The following TRIM37 variants were observed in gnomAD, a reference collection of about 807,000 sequenced individuals.
TRIM37 encodes E3 ubiquitin-protein ligase TRIM37.
In TRIM37, 80 loss-of-function variants were observed where a neutral mutation model predicts 129.8. That is an observed-to-expected ratio of 0.62 (90% CI 0.51 to 0.74). TRIM37 has a LOEUF of 0.74. Among genes scored for constraint, TRIM37 ranks in the 30% least tolerant of loss-of-function variants. TRIM37 has a pLI of 0.00. For missense variants in TRIM37, 1,054 were observed against 1,176.5 expected (o/e 0.90, Z 1.52); for synonymous variants, 389 against 387.1 (o/e 1.00, Z -0.06).
Position 58,998,496 on chromosome 17 carries a change from A to C in TRIM37, c.*881T>G, listed in dbSNP as rs1567925645. 1 of 985,332 alleles carries C rather than the reference A, an allele frequency of 1.0e-6. No individual in the cohort carries two copies. The highest frequency in any genetic ancestry group is 1.2e-6 in the Non-Finnish European group (1 of 829,938). 61.0% of individuals were successfully genotyped at this position (985,332 alleles called of 1,614,324 possible). On this transcript the variant is annotated 3_prime_UTR_variant, in exon 24 of 24. Transcript: ENST00000262294. Reference sequence around the variant, plus strand: ...TGGGCTAATTATGAGTATGAAAGAAAACCTTATATCACAGTTTCACGTTCA... The same window carrying C: ...TGGGCTAATTATGAGTATGAAAGAACACCTTATATCACAGTTTCACGTTCA...
chr17:58,999,948 A>G (rs899623480), intron 23 of TRIM37, among the ~76,000 whole-genome samples: 1 of 152,252 alleles, frequency 6.6e-6, no homozygotes, highest in African/African-American at 2.4e-5. Context: ...AATACTTACA[A>G]ATCATCAAAT....
Position 59,044,265 on chromosome 17 carries a change from C to T in TRIM37, c.1668-2367G>A, listed in dbSNP as rs868142245. ...GAGGTTGCAGTGAGCTGTGATCACG[C>T]GACCACTGCACTCCAGCTTGGGTGA... is the stretch of plus-strand genomic sequence containing the variant. On this transcript the variant is annotated intron_variant, in intron 16 of 23. Transcript: ENST00000262294. Among the ~76,000 whole-genome samples, 21 of 152,222 alleles carry T rather than the reference C, an allele frequency of 1.4e-4. 1 individual carries two copies. Among genetic ancestry groups the T allele is most frequent in the African/African-American group, 4.3e-4 (18 of 41,532 alleles).
intron 4 of TRIM37, among the ~76,000 whole-genome samples, chr17:59,084,558 C>A (rs1265304466): frequency 6.6e-6 from 1 of 152,152 alleles, no homozygotes; most frequent in East Asian, 1.9e-4. Flanking sequence ...ATGAACAACT[C>A]AATTTTAAAT....
intron 16 of TRIM37, among the ~76,000 whole-genome samples, chr17:59,047,028 C>T (rs979842455): frequency 6.6e-6 from 1 of 151,678 alleles, no homozygotes; most frequent in Non-Finnish European, 1.5e-5. Flanking sequence ...GTGGCGGGCG[C>T]CTGTAGTTCT....
At chr17:59,036,679 G>T (rs879678452) in intron 17 of TRIM37, among the ~76,000 whole-genome samples, 1 of 151,914 alleles carries the variant, frequency 6.6e-6, no homozygotes, top group Non-Finnish European at 1.5e-5. Flanking sequence ...ATTTAATATG[G>T]TCTATAAAAT....
chr17:59,013,166 T>TA (rs945621198), intron 21 of TRIM37, among the ~76,000 whole-genome samples: 1 of 152,096 alleles, frequency 6.6e-6, no homozygotes, highest in Non-Finnish European at 1.5e-5. Flanking sequence ...TTATTTGAGA[T>TA]AGAGTCTCAC....
intron 2 of TRIM37, among the ~76,000 whole-genome samples, chr17:59,101,669 AAAAAAAAAAT>A (rs1568265510): frequency 3.4e-5 from 4 of 119,118 alleles, no homozygotes; most frequent in Admixed American, 8.7e-5. Flanking sequence ...AAAAAAAAAA[AAAAAAAAAAT>A]ATATATATAT....
At chr17:58,981,905 ATACCATT>A (rs2031375762), downstream of TRIM37, 1 of 152,664 alleles carries the variant, frequency 6.6e-6, no homozygotes, top group South Asian at 2.1e-4. Context: ...TAGAGTCAAA[ATACCATT>A]TACAAAGAAA....
At chr17:59,031,447 C>A (rs2062596668) in intron 18 of TRIM37, among the ~76,000 whole-genome samples, 1 of 152,112 alleles carries the variant, frequency 6.6e-6, no homozygotes, top group Non-Finnish European at 1.5e-5. Flanking sequence ...TTCTATTTAA[C>A]AAATAACCTT....
At chr17:59,046,454 G>A (rs1219244164) in intron 16 of TRIM37, among the ~76,000 whole-genome samples, 1 of 151,984 alleles carries the variant, frequency 6.6e-6, no homozygotes, top group African/African-American at 2.4e-5. Flanking sequence ...CTAATCATGA[G>A]GAAACTTCAG....
At chr17:58,969,766 T>A in the TRIM37 span, 2 of 1,593,426 alleles carry the variant, frequency 1.3e-6, no homozygotes, top group Non-Finnish European at 8.6e-7. Context: ...AGAAATGTAC[T>A]AGCTGAGCTC....
intron 22 of TRIM37, among the ~76,000 whole-genome samples, chr17:59,007,219 A>ACCCC (rs112185916): frequency 6.5e-4 from 5 of 7,730 alleles, no homozygotes; most frequent in South Asian, 0.011. Flanking sequence ...AAACCACCCC[A>ACCCC]CCCCCACCCA....
intron 7 of TRIM37, 112 bp downstream of exon 7, chr17:59,079,642 T>C: frequency 7.5e-7 from 1 of 1,331,210 alleles, no homozygotes; most frequent in Non-Finnish European, 1.1e-6. Context: ...CAACATGGAG[T>C]TGCCTAAAAT....
chr17:59,076,790 T>C (rs904515190), intron 7 of TRIM37, among the ~76,000 whole-genome samples: 2 of 151,712 alleles, frequency 1.3e-5, no homozygotes, highest in Admixed American at 6.6e-5. Flanking sequence ...TTATTTATTT[T>C]ATTTATTTAT....
chr17:59,082,983 A>G (rs1273120331), intron 5 of TRIM37, among the ~76,000 whole-genome samples: 3 of 152,252 alleles, frequency 2.0e-5, no homozygotes, highest in African/African-American at 7.2e-5. Context: ...TCCGTAAAAC[A>G]TACTGACTGA....
In TRIM37 at chr17:59,032,132, T is replaced by G. The variant is rs770467710; in HGVS notation, c.1754-42A>C. The G allele has an allele frequency of 5.1e-6, 8 of 1,582,576 alleles. No homozygotes were observed. The South Asian group carries it at 8.8e-5, about 18-fold the overall frequency. On this transcript the variant is annotated intron_variant, in intron 17 of 23. Transcript: ENST00000262294. ...GAAAATGATATATATATGCACAAAC[T>G]TAGCTATACTTAAATGAAAAAATGA...
At chr17:59,073,444 C>T (rs1322405121) in intron 8 of TRIM37, among the ~76,000 whole-genome samples, 1 of 152,092 alleles carries the variant, frequency 6.6e-6, no homozygotes, top group Non-Finnish European at 1.5e-5. Flanking sequence ...CAAGCATGTG[C>T]CACCTCGCCC....
At chr17:59,040,113 C>A (rs2038988232) in intron 17 of TRIM37, among the ~76,000 whole-genome samples, 1 of 151,852 alleles carries the variant, frequency 6.6e-6, no homozygotes, top group Non-Finnish European at 1.5e-5. Flanking sequence ...ACCACGTTGC[C>A]CAGGCTGGTC....
chr17:59,104,463 A>C, intron 1 of TRIM37, 69 bp from the exon 2 acceptor site: 4 of 1,307,106 alleles, frequency 3.1e-6, no homozygotes, highest in Non-Finnish European at 4.4e-6. Flanking sequence ...GGCAAGCTCA[A>C]AACAACTTGA....
Sources: gnomAD v4.1 joint callset for allele counts (sites outside exome capture counted in the v4.1 genomes callset) on GRCh38, gnomAD v4.1.1 for gene constraint, MANE v1.5 for transcripts, NCBI Gene and HGNC (gene_info 2026-07-23, HGNC 2026-07-21) for gene names.